Variants in PPFIA1 observed in about 807,000 individuals in gnomAD.
PPFIA1 encodes PPFI scaffold protein A1.
A neutral mutation model predicts 149.9 loss-of-function variants in PPFIA1; 25 were observed. That is an observed-to-expected ratio of 0.17 (90% confidence interval 0.12 to 0.23). The LOEUF (loss-of-function observed/expected upper bound fraction) is 0.23, where lower values mean the gene tolerates loss of function less well. Ranked by LOEUF, PPFIA1 falls within the 10% of genes least tolerant of loss-of-function variation. The probability of loss-of-function intolerance (pLI) is 1.00; values close to 1 mark genes in which losing one functional copy is unlikely to be tolerated. For synonymous variants in PPFIA1, 549 were observed against 552.8 expected (o/e 0.99, Z 0.10); for missense variants, 1,362 against 1,506.5 (o/e 0.90, Z 1.59).
chr11:70,295,305 G>A (rs2051849872), intron 2 of PPFIA1, among the ~76,000 whole-genome samples: 1 of 132,064 alleles, frequency 7.6e-6, no homozygotes, highest in South Asian at 2.2e-4. Flanking sequence ...CTCCCTCCCG[G>A]ATGGGGCGGC....
At chr11:70,365,839 C>T (rs955791400) in intron 21 of PPFIA1, 3 of 415,300 alleles carry the variant, frequency 7.2e-6, no homozygotes, top group Non-Finnish European at 1.4e-5. Context: ...CTTTTTCACT[C>T]AGTGAAGCTG....
intron 21 of PPFIA1, among the ~76,000 whole-genome samples, chr11:70,366,962 T>C (rs1253838597): frequency 6.6e-6 from 1 of 152,206 alleles, no homozygotes; most frequent in Non-Finnish European, 1.5e-5. Context: ...AATAACCTCA[T>C]TGTTTAACTT....
At chr11:70,348,454 C>T in intron 16 of PPFIA1, 34 bp downstream of exon 16, 1 of 1,493,862 alleles carries the variant, frequency 6.7e-7, no homozygotes, top group Non-Finnish European at 9.3e-7. Context: ...TGTGGCTGCC[C>T]TCAGCATACC....
At chr11:70,304,879 C>T (rs1370238462) in intron 2 of PPFIA1, among the ~76,000 whole-genome samples, 1 of 152,162 alleles carries the variant, frequency 6.6e-6, no homozygotes, top group Admixed American at 6.5e-5. Context: ...CCAGGGAGGT[C>T]AGCACCCCCT....
At chr11:70,297,119 C>T (rs1052301037) in intron 2 of PPFIA1, among the ~76,000 whole-genome samples, 2 of 152,118 alleles carry the variant, frequency 1.3e-5, no homozygotes, top group African/African-American at 4.8e-5. Flanking sequence ...GAAAACAAAA[C>T]CAGAGAGGCC....
chr11:70,371,131 C>T (rs2057215920), intron 21 of PPFIA1, among the ~76,000 whole-genome samples: 1 of 152,150 alleles, frequency 6.6e-6, no homozygotes, highest in South Asian at 2.1e-4. Flanking sequence ...GCAATTTCCC[C>T]TTGTAATTTC....
At position 70,355,487 on chromosome 11, in the gene PPFIA1, C is replaced by T. The variant is rs141847909; in HGVS notation, c.2316-152C>T. 240 of 704,916 alleles carry T rather than the reference C, an allele frequency of 3.4e-4. No individual in the cohort carries two copies. In the African/African-American group the frequency reaches 3.5e-3, roughly 10 times the overall value. The allele number at this position is 704,916 out of a possible 1,614,324, so 43.7% of individuals were successfully genotyped here. A position where few individuals can be genotyped will look rare whatever the true frequency, so the allele number is the denominator to read the frequency against. ...CCAGAATGGGTCTCCGCGCTGGCCT[C>T]GCCGGGAGTCTGCCTTTATCATGCA... is the stretch of plus-strand genomic sequence containing the variant. On this transcript the variant is annotated intron_variant, in intron 17 of 27. Coordinates refer to ENST00000253925, the MANE Select transcript of PPFIA1 (RefSeq NM_003626.5).
intron 17 of PPFIA1, among the ~76,000 whole-genome samples, 192 bp downstream of exon 17, chr11:70,354,644 T>C (rs2056257794): frequency 6.6e-6 from 1 of 152,162 alleles, no homozygotes; most frequent in South Asian, 2.1e-4. Context: ...CAGCAGAAGA[T>C]GCATATCTGT....
intron 2 of PPFIA1, among the ~76,000 whole-genome samples, chr11:70,290,849 T>C (rs753667326): frequency 2.0e-5 from 3 of 152,254 alleles, no homozygotes; most frequent in Admixed American, 6.5e-5. Context: ...GTTAAAGTTC[T>C]ACTTGAGATG....
intron 2 of PPFIA1, among the ~76,000 whole-genome samples, chr11:70,307,889 G>A (rs1010102782): frequency 1.3e-5 from 2 of 152,200 alleles, no homozygotes; most frequent in African/African-American, 4.8e-5. Context: ...TTACAGCACG[G>A]CACTCCAGCC....
At chr11:70,335,018 C>T (rs1309825910) in intron 10 of PPFIA1, among the ~76,000 whole-genome samples, 3 of 152,140 alleles carry the variant, frequency 2.0e-5, no homozygotes, top group Non-Finnish European at 4.4e-5. Flanking sequence ...ATTAAAATTA[C>T]TTAAGGTAAT....
intron 2 of PPFIA1, 43 bp from the exon 3 acceptor site, chr11:70,324,359 G>T: frequency 6.9e-7 from 1 of 1,447,404 alleles, no homozygotes; most frequent in South Asian, 1.2e-5. Flanking sequence ...CTTTCTTTAG[G>T]GGGTCTTTCT....
intron 2 of PPFIA1, among the ~76,000 whole-genome samples, chr11:70,305,295 A>G (rs963684700): frequency 1.2e-4 from 18 of 152,316 alleles, no homozygotes; most frequent in African/African-American, 3.8e-4. Context: ...CTAGGTGGGA[A>G]ATTGGCTTGT....
At chr11:70,341,326 A>C (rs2055316208) in intron 14 of PPFIA1, among the ~76,000 whole-genome samples, 1 of 151,404 alleles carries the variant, frequency 6.6e-6, no homozygotes, top group African/African-American at 2.4e-5. Context: ...GAGAAGGAGC[A>C]CATGGAGCGT....
At position 70,381,944 on chromosome 11, in the gene PPFIA1, C is replaced by T. The variant is rs188350166; in HGVS notation, c.3551-144C>T. The T allele has an allele frequency of 1.4e-4, 89 of 654,420 alleles. 3 individuals carry two copies. The highest frequency in any genetic ancestry group is 8.0e-4 in the East Asian group (29 of 36,210). The allele number at this position is 654,420 out of a possible 1,614,324, so 40.5% of individuals were successfully genotyped here. ...CACTTGGATCTCTCTGGCTCCATCC[C>T]GCCCACTCAGGCAGCTCCCCTCAGG... On this transcript the variant is annotated intron_variant, in intron 26 of 27. Coordinates refer to ENST00000253925, the MANE Select transcript of PPFIA1 (RefSeq NM_003626.5).
At chr11:70,324,637 T>C (rs889205193) in intron 3 of PPFIA1, 134 bp downstream of exon 3, 2 of 896,698 alleles carry the variant, frequency 2.2e-6, no homozygotes, top group African/African-American at 3.4e-5. Flanking sequence ...CTGAGCAGAC[T>C]GTGATTAGTC....
At chr11:70,282,155 G>C (rs1204059250) in intron 2 of PPFIA1, among the ~76,000 whole-genome samples, 1 of 152,110 alleles carries the variant, frequency 6.6e-6, no homozygotes, top group Non-Finnish European at 1.5e-5. Context: ...CCTGCCCAGC[G>C]GGAGACACAG....
At position 70,272,136 on chromosome 11, in the gene PPFIA1, G is replaced by T. The variant is rs1434427295; in HGVS notation, c.1-37G>T. 3 of 1,598,640 alleles carry T rather than the reference G, an allele frequency of 1.9e-6. No individual in the cohort carries two copies. In the Admixed American group the frequency reaches 5.2e-5, roughly 28 times the overall value. Reference sequence around the variant, plus strand: ...GCATATTTGTGGGAACCTGTATTCTGAGCTTAATTACTGTAGCCTGGGTCT... The same window carrying T: ...GCATATTTGTGGGAACCTGTATTCTTAGCTTAATTACTGTAGCCTGGGTCT... On this transcript the variant is annotated intron_variant, in intron 1 of 27. Transcript: ENST00000253925.
chr11:70,372,646 T>C (rs1221609857), intron 23 of PPFIA1, 72 bp downstream of exon 23: 2 of 1,276,920 alleles, frequency 1.6e-6, no homozygotes, highest in Non-Finnish European at 2.2e-6. Flanking sequence ...AGTGACTTCC[T>C]ATTTTTCAAA....
Sources: allele counts gnomAD v4.1 joint callset (sites outside exome capture counted in the v4.1 genomes callset), GRCh38; gene constraint gnomAD v4.1.1; transcripts MANE v1.5; gene names NCBI Gene and HGNC (gene_info 2026-07-23, HGNC 2026-07-21).